The following SLC18B1 variants were observed in gnomAD, a reference collection of about 807,000 sequenced individuals.
The protein encoded by SLC18B1 is MFS-type transporter SLC18B1.
Under a neutral mutation model 53.9 loss-of-function variants are expected in SLC18B1, and 62 were observed. The ratio of observed to expected loss-of-function variants is 1.15; its 90% CI spans 0.94 to 1.42. The LOEUF (loss-of-function observed/expected upper bound fraction) is 1.42. Ranked by LOEUF, SLC18B1 falls within the 40% of genes most tolerant of loss-of-function variation. The probability of loss-of-function intolerance (pLI) is 0.00; values close to 1 mark genes in which losing one functional copy is unlikely to be tolerated. For synonymous variants in SLC18B1, 217 were observed against 200.9 expected (o/e 1.08, Z -0.68); for missense variants, 598 against 547.3 (o/e 1.09, Z -0.93).
chr6:132,787,314 C>CAATA, intron 5 of SLC18B1, 120 bp downstream of exon 5: 1 of 994,902 alleles, frequency 1.0e-6, no homozygotes, highest in Non-Finnish European at 1.4e-6. Context: ...TGAAAGGCAA[C>CAATA]AATAATACAG....
chr6:132,776,565 T>TAAGATGAAA, intron 7 of SLC18B1, 136 bp from the exon 8 acceptor site: 1 of 634,506 alleles, frequency 1.6e-6, no homozygotes, highest in South Asian at 2.2e-5. Flanking sequence ...CTAATTTTCA[T>TAAGATGAAA]CTTACCTTTG....
chr6:132,777,434 C>T (rs1237825055), intron 7 of SLC18B1, among the ~76,000 whole-genome samples: 1 of 152,150 alleles, frequency 6.6e-6, no homozygotes, highest in Non-Finnish European at 1.5e-5. Flanking sequence ...CACAAACGGG[C>T]CAGGTGCGGT....
intron 13 of SLC18B1, 110 bp downstream of exon 13, chr6:132,770,780 G>C (rs1251407139): frequency 1.9e-6 from 2 of 1,041,176 alleles, no homozygotes; most frequent in Non-Finnish European, 2.9e-6. Context: ...ATGAGCCTCA[G>C]AGTGCTTAGA....
chr6:132,779,719 G>C (rs1173754578), intron 6 of SLC18B1, among the ~76,000 whole-genome samples: 1 of 152,126 alleles, frequency 6.6e-6, no homozygotes, highest in Non-Finnish European at 1.5e-5. Flanking sequence ...TATCAGGTTT[G>C]GACATGTATT....
chr6:132,783,848 AAAT>A (rs914827416), intron 6 of SLC18B1, 82 bp downstream of exon 6: 2 of 1,090,558 alleles, frequency 1.8e-6, no homozygotes, highest in Non-Finnish European at 1.2e-6. Context: ...TGATTATATA[AAAT>A]AATAACTGGT....
In SLC18B1 at chr6:132,789,784, T is replaced by G. The variant is rs1781476274; in HGVS notation, c.333A>C (p.Gly111=). 2 of 1,613,148 alleles carry G rather than the reference T, an allele frequency of 1.2e-6. No homozygotes were observed. Among genetic ancestry groups the G allele is most frequent in the Non-Finnish European group, 1.7e-6 (2 of 1,179,302 alleles). ...FMFVAGMFVS[G]GVTILFGVLD... is the part of the protein sequence containing the mutation. The stretch of plus-strand genomic sequence containing the variant: ...CTTACCCAAAGAGAATTGTAACTCC[T>G]CCTGAGACAAACATTCCTGCTACAA... The change falls in exon 4 of 14, where the codon GGA becomes GGC. Residue 111 remains glycine, a synonymous_variant. Coordinates refer to ENST00000275227, the MANE Select transcript of SLC18B1 (RefSeq NM_052831.3).
At chr6:132,786,223 C>T (rs1281415301) in intron 5 of SLC18B1, among the ~76,000 whole-genome samples, 2 of 152,154 alleles carry the variant, frequency 1.3e-5, no homozygotes, top group African/African-American at 4.8e-5. Context: ...TAAACCTATC[C>T]AGCTATATAC....
intron 4 of SLC18B1, 137 bp from the exon 5 acceptor site, chr6:132,787,718 TAA>T (rs1781414870): frequency 4.1e-6 from 3 of 727,536 alleles, no homozygotes; most frequent in Non-Finnish European, 5.9e-6. Flanking sequence ...ATGATTTTTT[TAA>T]AAGAGTTGCT....
intron 5 of SLC18B1, among the ~76,000 whole-genome samples, chr6:132,786,409 T>C (rs1370333229): frequency 1.3e-5 from 2 of 151,050 alleles, no homozygotes; most frequent in East Asian, 1.9e-4. Flanking sequence ...TGTAGCCGGG[T>C]GTGGTGGCGG....
At chr6:132,789,942 G>A (rs1035193353) in intron 3 of SLC18B1, 105 bp from the exon 4 acceptor site, 4 of 758,954 alleles carry the variant, frequency 5.3e-6, no homozygotes, top group South Asian at 1.7e-5. Flanking sequence ...GGGAAGACAT[G>A]TACAGTTAAT....
At chr6:132,775,060 G>A (rs1054889793) in intron 8 of SLC18B1, among the ~76,000 whole-genome samples, 18 of 152,176 alleles carry the variant, frequency 1.2e-4, no homozygotes, top group African/African-American at 3.9e-4. Context: ...CCAATGTGAT[G>A]GTATCTGGAG....
At chr6:132,797,607 A>G (rs949511325) in intron 1 of SLC18B1, among the ~76,000 whole-genome samples, 3 of 151,692 alleles carry the variant, frequency 2.0e-5, no homozygotes, top group Non-Finnish European at 2.9e-5. Flanking sequence ...CAAAAAAGCA[A>G]AACAAAACAA....
At chr6:132,785,897 C>CAAAAAAAAAAAAAAAAAAAGAAAAGAAAA (rs1781357491) in intron 5 of SLC18B1, among the ~76,000 whole-genome samples, 1 of 81,180 alleles carries the variant, frequency 1.2e-5, no homozygotes, top group Non-Finnish European at 2.5e-5. Flanking sequence ...CCTGTCTCTA[C>CAAAAAAAAAAAAAAAAAAAGAAAAGAAAA]AAAAAAAAAA....
intron 2 of SLC18B1, among the ~76,000 whole-genome samples, chr6:132,791,264 C>A (rs1374386388): frequency 6.6e-6 from 1 of 152,188 alleles, no homozygotes; most frequent in Non-Finnish European, 1.5e-5. Context: ...CAGTTTAGAT[C>A]CATCCTTTTG....
intron 8 of SLC18B1, among the ~76,000 whole-genome samples, chr6:132,776,095 A>AT (rs879118756): frequency 9.2e-5 from 14 of 151,726 alleles, no homozygotes; most frequent in Middle Eastern, 3.4e-3. Context: ...AATCCAATTT[A>AT]TTTTTTTTTA....
Position 132,773,013 on chromosome 6 carries a change from C to T in SLC18B1, c.1065G>A (p.Pro355=), listed in dbSNP as rs931668916. ...CTTACTGTGCACAACTGAGAATTTC[C>T]GGGAAAGTTGGAATTATACTCATTC... is the stretch of plus-strand genomic sequence containing the variant. ...SAGMSIIPTF[P]EILSCAHENG... Residue 355 remains proline (P), a synonymous_variant, in exon 10 of 14, where the codon CCG becomes CCA. Transcript: ENST00000275227. The T allele has an allele frequency of 1.7e-5, 28 of 1,613,438 alleles. No homozygotes were observed. In the East Asian group the frequency reaches 3.6e-4, roughly 21 times the overall value.
chr6:132,772,267 T>A (rs1462465713), intron 10 of SLC18B1, 61 bp from the exon 11 acceptor site: 19 of 1,031,236 alleles, frequency 1.8e-5, no homozygotes, highest in Non-Finnish European at 2.5e-5. Flanking sequence ...AAAGAAAAAA[T>A]TGTATGATAG....
intron 9 of SLC18B1, among the ~76,000 whole-genome samples, chr6:132,773,371 C>G (rs549008993): frequency 6.6e-6 from 1 of 152,286 alleles, no homozygotes; most frequent in South Asian, 2.1e-4. Flanking sequence ...AACCTGGCTT[C>G]TTCTCACCAG....
intron 2 of SLC18B1, among the ~76,000 whole-genome samples, chr6:132,796,462 G>T (rs1781690761): frequency 6.8e-6 from 1 of 146,870 alleles, no homozygotes; most frequent in Non-Finnish European, 1.5e-5. Flanking sequence ...GGAGGCAGAG[G>T]TTGCAGTGAG....
Sources: allele counts gnomAD v4.1 joint callset (sites outside exome capture counted in the v4.1 genomes callset), GRCh38; gene constraint gnomAD v4.1.1; transcripts MANE v1.5; gene names NCBI Gene and HGNC (gene_info 2026-07-23, HGNC 2026-07-21).